The following NBAS variants were observed in gnomAD, a reference collection of about 807,000 sequenced individuals.
NBAS encodes NAG/BC035112 fusion.
NBAS carries 219 observed loss-of-function variants against 302.5 expected under a neutral mutation model. The observed-to-expected ratio is 0.72, with a 90% confidence interval of 0.65 to 0.81. The LOEUF (loss-of-function observed/expected upper bound fraction) is 0.81. Among genes scored for constraint, NBAS ranks in the 30% least tolerant of loss-of-function variants. The probability of loss-of-function intolerance (pLI) is 0.00; values close to 1 mark genes in which losing one functional copy is unlikely to be tolerated. For missense variants in NBAS, 2,932 were observed against 2,841.6 expected (o/e 1.03, Z -0.72); for synonymous variants, 1,118 against 1,021.6 (o/e 1.09, Z -1.80).
intron 21 of NBAS, among the ~76,000 whole-genome samples, chr2:15,439,692 G>C (rs534685287): frequency 1.3e-5 from 2 of 152,198 alleles, no homozygotes; most frequent in African/African-American, 4.8e-5. Context: ...ACAAGCCGAA[G>C]TAGGGCGAGG....
chr2:15,420,023 T>C (rs892663665), intron 23 of NBAS, among the ~76,000 whole-genome samples: 14 of 152,154 alleles, frequency 9.2e-5, no homozygotes, highest in Middle Eastern at 3.2e-3. Context: ...ACGATGATAT[T>C]TGACAATTGT....
chr2:15,071,713 G>A, the NBAS span, among the ~76,000 whole-genome samples: 5 of 151,796 alleles, frequency 3.3e-5, no homozygotes, highest in Admixed American at 2.6e-4. Flanking sequence ...GCAAAGGATG[G>A]GAGAAAACCT....
Position 15,402,363 on chromosome 2 carries a change from C to T in NBAS, c.2938-62G>A, listed in dbSNP as rs116000749. On this transcript the variant is annotated intron_variant, in intron 25 of 51. Transcript: ENST00000281513. Reference sequence around the variant, plus strand: ...AGATTTATAGTCAATTTTTCCATATCCCAATACTACTGTCAACAGAATATT... The same window carrying T: ...AGATTTATAGTCAATTTTTCCATATTCCAATACTACTGTCAACAGAATATT... The T allele has an allele frequency of 6.7e-4, 986 of 1,464,878 alleles. 2 individuals carry two copies. In the African/African-American group the frequency reaches 0.011, roughly 17 times the overall value. 90.7% of individuals were successfully genotyped at this position (1,464,878 alleles called of 1,614,324 possible).
chr2:15,028,547 G>A, the NBAS span, among the ~76,000 whole-genome samples: 2 of 152,050 alleles, frequency 1.3e-5, no homozygotes, highest in East Asian at 1.9e-4. Flanking sequence ...TCATTGTACC[G>A]GAATAAAATC....
intron 32 of NBAS, among the ~76,000 whole-genome samples, chr2:15,365,236 T>C (rs1301089209): frequency 6.6e-6 from 1 of 152,208 alleles, no homozygotes; most frequent in Non-Finnish European, 1.5e-5. Flanking sequence ...CCACAGGTAT[T>C]CCTGTTACTA....
intron 32 of NBAS, among the ~76,000 whole-genome samples, chr2:15,365,057 T>C (rs1031714777): frequency 1.3e-5 from 2 of 152,212 alleles, no homozygotes; most frequent in African/African-American, 4.8e-5. Context: ...AGCCATGCAC[T>C]ATGATCACAT....
chr2:14,947,259 A>G, the NBAS span, among the ~76,000 whole-genome samples: 1 of 152,062 alleles, frequency 6.6e-6, no homozygotes, highest in Non-Finnish European at 1.5e-5. Flanking sequence ...AACAAAATTG[A>G]CAAAGCTTAA....
At chr2:15,493,829 C>CTTT (rs10715868) in intron 11 of NBAS, among the ~76,000 whole-genome samples, 4 of 113,578 alleles carry the variant, frequency 3.5e-5, no homozygotes, top group Admixed American at 9.1e-5. Context: ...GCAATTTTCT[C>CTTT]TTTTTTTTTT....
At chr2:15,087,710 G>T in the NBAS span, among the ~76,000 whole-genome samples, 3 of 152,230 alleles carry the variant, frequency 2.0e-5, no homozygotes, top group Non-Finnish European at 4.4e-5. Context: ...AATGTCAGCC[G>T]GTGAGAAATT....
intron 47 of NBAS, among the ~76,000 whole-genome samples, chr2:15,230,242 A>T (rs771215467): frequency 4.6e-5 from 7 of 152,172 alleles, no homozygotes; most frequent in Non-Finnish European, 7.4e-5. Flanking sequence ...CTACCTGGAA[A>T]ACACAAACTG....
At chr2:15,464,678 C>T (rs1679646582) in intron 19 of NBAS, among the ~76,000 whole-genome samples, 1 of 152,172 alleles carries the variant, frequency 6.6e-6, no homozygotes, top group Non-Finnish European at 1.5e-5. Context: ...GGGCTACCCC[C>T]AGCCACAGTC....
chr2:14,973,592 C>T, the NBAS span, among the ~76,000 whole-genome samples: 2 of 152,160 alleles, frequency 1.3e-5, no homozygotes, highest in East Asian at 1.9e-4. Context: ...CACAAAGAAG[C>T]AGCTTCAAAC....
At position 15,380,851 on chromosome 2, in the gene NBAS, G is replaced by A. The variant is rs113080894; in HGVS notation, c.3361-1020C>T. Among the ~76,000 whole-genome samples, 1,080 of 152,232 alleles carry A rather than the reference G, an allele frequency of 7.1e-3. 10 individuals carry two copies. The highest frequency in any genetic ancestry group is 0.022 in the African/African-American group (918 of 41,548). On this transcript the variant is annotated intron_variant, in intron 29 of 51. Coordinates refer to ENST00000281513, the MANE Select transcript of NBAS (RefSeq NM_015909.4). Reference sequence around the variant, plus strand: ...GCAAGAGTTTCAATATAATTAAGAAGACCATCCAATCTTCATAGGATGCTC... The same window carrying A: ...GCAAGAGTTTCAATATAATTAAGAAAACCATCCAATCTTCATAGGATGCTC...
rs1664538225 is a variant in NBAS, at chr2:15,554,268, G to A, written c.210-130C>T. 1.1e-5 allele frequency: 9 copies of A among 820,738 alleles called. No homozygotes were observed. In the South Asian group the frequency reaches 1.2e-4, roughly 11 times the overall value. The allele number at this position is 820,738 out of a possible 1,614,324, so 50.8% of individuals were successfully genotyped here. A position where few individuals can be genotyped will look rare whatever the true frequency, so the allele number is the denominator to read the frequency against. On this transcript the variant is annotated intron_variant, in intron 3 of 51. Transcript: ENST00000281513. ...ATTAGAATATAAAATTTGAATATTAGCAAACCCAAAACCCAAAGTTACTAT... is the reference window on the plus strand; with the variant it reads ...ATTAGAATATAAAATTTGAATATTAACAAACCCAAAACCCAAAGTTACTAT...
intron 40 of NBAS, among the ~76,000 whole-genome samples, chr2:15,293,147 G>T (rs1204252127): frequency 1.3e-5 from 2 of 152,060 alleles, no homozygotes; most frequent in Non-Finnish European, 2.9e-5. Flanking sequence ...AATTTTCATC[G>T]CCATTGCCTC....
the NBAS span, among the ~76,000 whole-genome samples, chr2:14,875,863 G>GA: frequency 3.3e-5 from 5 of 151,822 alleles, no homozygotes; most frequent in South Asian, 2.1e-4. Flanking sequence ...AAAGGAAGGG[G>GA]AAAAAAAAGC....
intron 9 of NBAS, among the ~76,000 whole-genome samples, chr2:15,527,094 C>G (rs1389488016): frequency 4.2e-5 from 2 of 47,426 alleles, no homozygotes; most frequent in African/African-American, 2.1e-4. Context: ...TTAAAAGGGA[C>G]AAGAGAAAAA....
chr2:15,155,905 T>C, the NBAS span, among the ~76,000 whole-genome samples: 8 of 152,116 alleles, frequency 5.3e-5, no homozygotes, highest in Admixed American at 4.6e-4. Context: ...TCACCGGGTG[T>C]TATTCGGTGC....
chr2:14,944,071 G>A, the NBAS span, among the ~76,000 whole-genome samples: 7 of 152,268 alleles, frequency 4.6e-5, no homozygotes, highest in South Asian at 2.1e-4. Context: ...AGGCCGAGGC[G>A]GGCGGATCAC....
Sources: gnomAD v4.1 joint callset for allele counts (sites outside exome capture counted in the v4.1 genomes callset) on GRCh38, gnomAD v4.1.1 for gene constraint, MANE v1.5 for transcripts, NCBI Gene and HGNC (gene_info 2026-07-23, HGNC 2026-07-21) for gene names.